Variants in NRXN2 observed in about 807,000 individuals in gnomAD.
The protein encoded by NRXN2 is neurexin 2.
Under a neutral mutation model 128.8 loss-of-function variants are expected in NRXN2, and 29 were observed. That is an observed-to-expected ratio of 0.23 (90% CI 0.17 to 0.31). The LOEUF is 0.31. Ranked by LOEUF, NRXN2 falls within the 10% of genes least tolerant of loss-of-function variation. The pLI is 1.00. For missense variants in NRXN2, 1,881 were observed against 2,452.6 expected, an observed-to-expected ratio of 0.77 and a Z score of 4.92; for synonymous variants, 1,098 against 1,075.2, an observed-to-expected ratio of 1.02 and a Z score of -0.41.
intron 1 of NRXN2, among the ~76,000 whole-genome samples, chr11:64,721,963 C>A (rs1225177488): frequency 1.3e-5 from 2 of 151,964 alleles, no homozygotes; most frequent in Admixed American, 6.6e-5. Flanking sequence ...AATGAGGCAT[C>A]GAATGCCCTC....
intron 2 of NRXN2, among the ~76,000 whole-genome samples, chr11:64,705,454 C>T (rs1176168121): frequency 1.3e-5 from 2 of 152,008 alleles, no homozygotes; most frequent in South Asian, 4.2e-4. Flanking sequence ...TCTCCTCCCC[C>T]GACCTTGTGA....
intron 2 of NRXN2, among the ~76,000 whole-genome samples, chr11:64,706,296 A>G: frequency 6.9e-6 from 1 of 144,372 alleles, no homozygotes; most frequent in Non-Finnish European, 1.5e-5. Context: ...TACATTAGGT[A>G]TATCTCCTAA....
intron 3 of NRXN2, among the ~76,000 whole-genome samples, chr11:64,695,444 G>A (rs1027435871): frequency 3.3e-5 from 5 of 152,034 alleles, no homozygotes; most frequent in South Asian, 4.1e-4. Flanking sequence ...GGAAGAAGGC[G>A]AAGGTACAGA....
chr11:64,642,539 C>A lies in NRXN2; in HGVS notation c.3403+5680G>T. The A allele has an allele frequency of 1.2e-6, 2 of 1,608,076 alleles. No individual in the cohort carries two copies. The highest frequency in any genetic ancestry group is 1.7e-6 in the Non-Finnish European group (2 of 1,177,690). On this transcript the variant is annotated intron_variant, in intron 17 of 22. Coordinates refer to ENST00000265459, the MANE Select transcript of NRXN2 (RefSeq NM_015080.4). ...GGCCGGCATCTACAGTGCCACTTAC[C>A]GTGGCCGCCGCGGGTGAGGAAGGGC...
Position 64,655,278 on chromosome 11 carries a change from G to T in NRXN2, c.2390-1556C>A, listed in dbSNP as rs1005142530. ...CCCTGGGCCACAGCCTGGCACCAAG[G>T]GAGGAGCAGAGGAGCAGAAAAAGGT... On this transcript the variant is annotated intron_variant, in intron 11 of 22. Coordinates refer to ENST00000265459, the MANE Select transcript of NRXN2 (RefSeq NM_015080.4). Among the ~76,000 whole-genome samples the T allele has an allele frequency of 2.0e-5, 3 of 152,248 alleles. No homozygotes were observed. The East Asian group carries it at 5.8e-4, about 29-fold the overall frequency.
At chr11:64,659,102 C>G (rs574344327) in intron 11 of NRXN2, among the ~76,000 whole-genome samples, 15 of 152,338 alleles carry the variant, frequency 9.8e-5, no homozygotes, top group African/African-American at 3.6e-4. Context: ...CCCTGCTTCC[C>G]CTCTAGGTCC....
rs2049001601 is a variant in NRXN2, at chr11:64,661,336, G to T, written c.1799-197C>A. The stretch of plus-strand genomic sequence containing the variant: ...AAAACTGCTTGACAAAGGCCCCCAG[G>T]CTCAGAGGCTTCTGTGACGCAGCCC... On this transcript the variant is annotated intron_variant, in intron 9 of 22. Coordinates refer to ENST00000265459, the MANE Select transcript of NRXN2 (RefSeq NM_015080.4). 2.1e-6 allele frequency: 3 copies of T among 1,461,618 alleles called. No individual in the cohort carries two copies. The East Asian group carries it at 7.5e-5, about 36-fold the overall frequency. The allele number at this position is 1,461,618 out of a possible 1,614,324, so 90.5% of individuals were successfully genotyped here.
intron 2 of NRXN2, among the ~76,000 whole-genome samples, chr11:64,700,239 A>G (rs1216859086): frequency 6.6e-6 from 1 of 152,170 alleles, no homozygotes; most frequent in Admixed American, 6.5e-5. Context: ...CCTGAGTACC[A>G]GTCCTGTATC....
At chr11:64,686,045 G>T in intron 5 of NRXN2, 98 bp from the exon 6 acceptor site, 1 of 1,347,026 alleles carries the variant, frequency 7.4e-7, no homozygotes, top group Non-Finnish European at 1.0e-6. Flanking sequence ...CTGGTCCTGG[G>T]CACCAGGAGC....
intron 17 of NRXN2, chr11:64,642,488 GC>G (rs775366001): frequency 3.2e-6 from 5 of 1,562,384 alleles, no homozygotes; most frequent in Non-Finnish European, 2.6e-6. Flanking sequence ...CACGGGAAGC[GC>G]CCCCCGCCCC....
intron 17 of NRXN2, chr11:64,637,503 T>C (rs1279301631): frequency 1.3e-5 from 2 of 152,312 alleles, no homozygotes; most frequent in African/African-American, 2.4e-5. Flanking sequence ...GAAAATCGGC[T>C]GTTTCCATGA....
At chr11:64,628,375 T>TC (rs750615127) in intron 19 of NRXN2, among the ~76,000 whole-genome samples, 44 of 150,602 alleles carry the variant, frequency 2.9e-4, no homozygotes, top group Admixed American at 8.6e-4. Context: ...AATCAGAGGG[T>TC]CCCCCCCCAC....
At chr11:64,688,118 C>CCA (rs1555091933) in intron 5 of NRXN2, among the ~76,000 whole-genome samples, 4 of 151,952 alleles carry the variant, frequency 2.6e-5, no homozygotes, top group African/African-American at 9.7e-5. Flanking sequence ...TGGGACAGAA[C>CCA]AAGAGGCCAG....
intron 11 of NRXN2, among the ~76,000 whole-genome samples, chr11:64,658,289 C>G (rs1296382248): frequency 6.6e-6 from 1 of 152,226 alleles, no homozygotes; most frequent in African/African-American, 2.4e-5. Context: ...ACTGGATACA[C>G]AAATCTGGGC....
intron 6 of NRXN2, among the ~76,000 whole-genome samples, chr11:64,679,202 C>A (rs566507337): frequency 2.4e-4 from 36 of 152,198 alleles, no homozygotes; most frequent in Non-Finnish European, 4.1e-4. Context: ...TCGAACAAGG[C>A]AGGAAGAAAA....
At chr11:64,718,970 G>C (rs887456643) in intron 1 of NRXN2, among the ~76,000 whole-genome samples, 3 of 152,178 alleles carry the variant, frequency 2.0e-5, no homozygotes, top group African/African-American at 7.2e-5. Context: ...CCAGCTGTGT[G>C]ACCTTTGGTA....
intron 18 of NRXN2, among the ~76,000 whole-genome samples, chr11:64,634,926 T>C (rs767958805): frequency 5.0e-4 from 76 of 152,074 alleles, no homozygotes; most frequent in Non-Finnish European, 9.6e-4. Flanking sequence ...AAGTCACAAA[T>C]GTGGGACACC....
At chr11:64,673,086 C>T (rs887461804) in intron 7 of NRXN2, among the ~76,000 whole-genome samples, 1 of 152,228 alleles carries the variant, frequency 6.6e-6, no homozygotes, top group Non-Finnish European at 1.5e-5. Context: ...TCCTCGATAT[C>T]TGGCTATCTG....
intron 7 of NRXN2, among the ~76,000 whole-genome samples, chr11:64,674,452 A>T (rs2051045508): frequency 1.3e-5 from 2 of 152,266 alleles, no homozygotes; most frequent in South Asian, 4.1e-4. Context: ...TCAGCCTCCC[A>T]AAGTGCTGGG....
Sources: allele counts gnomAD v4.1 joint callset (sites outside exome capture counted in the v4.1 genomes callset), GRCh38; gene constraint gnomAD v4.1.1; transcripts MANE v1.5; gene names NCBI Gene and HGNC (gene_info 2026-07-23, HGNC 2026-07-21).